The following ARHGAP32 variants were observed in gnomAD, a reference collection of about 807,000 sequenced individuals.
ARHGAP32 encodes the protein Rho GTPase activating protein 32.
In ARHGAP32, 51 loss-of-function variants were observed where a neutral mutation model predicts 186.5. The observed-to-expected ratio is 0.27, with a 90% CI of 0.22 to 0.35. The LOEUF is 0.35. Among genes scored for constraint, ARHGAP32 ranks in the 10% least tolerant of loss-of-function variants. The pLI, the probability that ARHGAP32 is intolerant of heterozygous loss-of-function variation, is 1.00. For missense variants in ARHGAP32, 2,186 were observed against 2,623.5 expected (o/e 0.83, Z 3.64); for synonymous variants, 950 against 964.3 (o/e 0.99, Z 0.27).
intron 2 of ARHGAP32, among the ~76,000 whole-genome samples, chr11:129,159,561 T>C (rs1420620819): frequency 6.6e-6 from 1 of 151,930 alleles, no homozygotes; most frequent in African/African-American, 2.4e-5. Flanking sequence ...AGTTCTGAAA[T>C]TGAGGCAGTA....
chr11:129,097,094 T>C (rs987489232), intron 5 of ARHGAP32, among the ~76,000 whole-genome samples: 4 of 151,798 alleles, frequency 2.6e-5, no homozygotes, highest in African/African-American at 9.7e-5. Context: ...CATCATTAGA[T>C]TCAAATGTCC....
intron 5 of ARHGAP32, among the ~76,000 whole-genome samples, chr11:129,116,048 A>C (rs1323141064): frequency 3.3e-5 from 5 of 152,028 alleles, no homozygotes; most frequent in Non-Finnish European, 7.4e-5. Flanking sequence ...AACCAACATA[A>C]GTTACTTTTC....
intron 1 of ARHGAP32, among the ~76,000 whole-genome samples, chr11:129,226,022 C>A (rs1801023852): frequency 6.6e-6 from 1 of 152,014 alleles, no homozygotes; most frequent in Non-Finnish European, 1.5e-5. Flanking sequence ...AAGAAAAATT[C>A]TTCAAATATG....
chr11:129,173,144 C>T (rs559130699), intron 1 of ARHGAP32, among the ~76,000 whole-genome samples: 401 of 152,082 alleles, frequency 2.6e-3, no homozygotes, highest in African/African-American at 9.2e-3. Flanking sequence ...ACTGACCCCA[C>T]AGAAATACAA....
chr11:129,277,681 A>G (rs1407764266), intron 1 of ARHGAP32, among the ~76,000 whole-genome samples: 1 of 152,222 alleles, frequency 6.6e-6, no homozygotes, highest in Non-Finnish European at 1.5e-5. Context: ...TGACATTTCC[A>G]TAGAGACACC....
In ARHGAP32 at chr11:129,167,767, T is replaced by C. The variant is rs186985848; in HGVS notation, c.117-3340A>G. Among the ~76,000 whole-genome samples, 572 of 152,288 alleles carry C rather than the reference T, an allele frequency of 3.8e-3. 2 individuals are homozygous for C. The highest frequency in any genetic ancestry group is 0.013 in the African/African-American group (547 of 41,564). On this transcript the variant is annotated intron_variant, in intron 1 of 22. Coordinates refer to ENST00000682385, the MANE Select transcript of ARHGAP32 (RefSeq NM_001378024.1). Reference sequence around the variant, plus strand: ...TAGGTGAGGGATTTCAGGTGAGGGATTTCTTTCTCAAATGTTCTAGAATTA... The same window carrying C: ...TAGGTGAGGGATTTCAGGTGAGGGACTTCTTTCTCAAATGTTCTAGAATTA...
At chr11:129,043,429 C>G (rs1939683915) in intron 10 of ARHGAP32, among the ~76,000 whole-genome samples, 1 of 145,618 alleles carries the variant, frequency 6.9e-6, no homozygotes, top group African/African-American at 2.6e-5. Flanking sequence ...TCTTGTTGCC[C>G]AGTCTGAAGT....
chr11:129,093,710 A>G lies in ARHGAP32; in HGVS notation c.445-3T>C. ...TTCTGTTCTTCTGAAAGTGAAAGCT[A>G]CATCACAGAAAAAAAAGAAGAGGGG... On this transcript the variant is annotated splice_region_variant and splice_polypyrimidine_tract_variant and intron_variant, in intron 5 of 22. Transcript: ENST00000682385. 1 of 1,577,100 alleles carries G rather than the reference A, an allele frequency of 6.3e-7. No homozygotes were observed.
intron 1 of ARHGAP32, among the ~76,000 whole-genome samples, chr11:129,267,242 G>A (rs978788273): frequency 6.6e-6 from 1 of 152,108 alleles, no homozygotes; most frequent in Admixed American, 6.6e-5. Flanking sequence ...CATACCTGTG[G>A]TCCCTCAGCT....
intron 5 of ARHGAP32, among the ~76,000 whole-genome samples, chr11:129,106,502 T>C (rs374809477): frequency 2.6e-5 from 4 of 151,936 alleles, no homozygotes; most frequent in African/African-American, 7.2e-5. Flanking sequence ...ATGGTAACAA[T>C]AGACACTGGG....
At chr11:129,028,230 T>C (rs527313162) in intron 11 of ARHGAP32, among the ~76,000 whole-genome samples, 11 of 152,312 alleles carry the variant, frequency 7.2e-5, no homozygotes, top group African/African-American at 2.6e-4. Flanking sequence ...TTGAGAGAAA[T>C]GAATGTGAAC....
At chr11:129,049,671 A>G (rs932170622) in intron 10 of ARHGAP32, among the ~76,000 whole-genome samples, 10 of 152,288 alleles carry the variant, frequency 6.6e-5, no homozygotes, top group African/African-American at 2.4e-4. Context: ...TTCATGCAGC[A>G]TATCTTTGAG....
intron 11 of ARHGAP32, among the ~76,000 whole-genome samples, chr11:129,023,701 T>A (rs895055454): frequency 6.6e-5 from 10 of 152,144 alleles, no homozygotes; most frequent in African/African-American, 2.4e-4. Flanking sequence ...ATACTAATGT[T>A]CAAGTGCTGA....
At position 129,012,811 on chromosome 11, in the gene ARHGAP32, G is replaced by A. The variant is rs575289340; in HGVS notation, c.1046-14343C>T. Among the ~76,000 whole-genome samples, 4 of 152,298 alleles carry A rather than the reference G, an allele frequency of 2.6e-5. No homozygotes were observed. In the South Asian group the frequency reaches 8.3e-4, roughly 32 times the overall value. On this transcript the variant is annotated intron_variant, in intron 11 of 22. Coordinates refer to ENST00000682385, the MANE Select transcript of ARHGAP32 (RefSeq NM_001378024.1). ...TATTGAACTAGGCTTCTCAACAGTA[G>A]AGAAAAGAACACATTCATTTCCTTC...
intron 2 of ARHGAP32, among the ~76,000 whole-genome samples, chr11:129,130,339 G>A (rs1942781851): frequency 6.6e-6 from 1 of 151,538 alleles, no homozygotes; most frequent in African/African-American, 2.4e-5. Flanking sequence ...AATTAATTCA[G>A]GATGGAAATT....
chr11:129,243,198 C>T (rs548552466), intron 1 of ARHGAP32, among the ~76,000 whole-genome samples: 2 of 152,252 alleles, frequency 1.3e-5, no homozygotes, highest in South Asian at 4.2e-4. Flanking sequence ...AAGACTAATG[C>T]AATAAATCCC....
At chr11:129,111,789 T>A (rs1030770081) in intron 5 of ARHGAP32, among the ~76,000 whole-genome samples, 2 of 152,108 alleles carry the variant, frequency 1.3e-5, no homozygotes, top group Non-Finnish European at 2.9e-5. Flanking sequence ...AGACAGAGTC[T>A]CACTCTGTAG....
chr11:129,232,023 C>CAAAAAA (rs71057935), intron 1 of ARHGAP32, among the ~76,000 whole-genome samples: 4 of 64,550 alleles, frequency 6.2e-5, no homozygotes, highest in African/African-American at 2.4e-4. Context: ...GAGACGGACT[C>CAAAAAA]AAAAAAAAAA....
chr11:129,104,638 G>A (rs1220077559), intron 5 of ARHGAP32, among the ~76,000 whole-genome samples: 1 of 149,606 alleles, frequency 6.7e-6, no homozygotes, highest in Non-Finnish European at 1.5e-5. Flanking sequence ...TAAGGAGAGA[G>A]AACATTTCAG....
Sources: allele counts gnomAD v4.1 joint callset (sites outside exome capture counted in the v4.1 genomes callset), GRCh38; gene constraint gnomAD v4.1.1; transcripts MANE v1.5; gene names NCBI Gene and HGNC (gene_info 2026-07-23, HGNC 2026-07-21).